The following IGF1 variants were observed in gnomAD, a reference collection of about 807,000 sequenced individuals.
The protein encoded by IGF1 is insulin-like growth factor 1.
A neutral mutation model predicts 13.8 loss-of-function variants in IGF1; 4 were observed. The ratio of observed to expected loss-of-function variants is 0.29; its 90% CI spans 0.14 to 0.66. The LOEUF (loss-of-function observed/expected upper bound fraction) is 0.66, where lower values mean the gene tolerates loss of function less well. IGF1 is among the 30% of genes least tolerant of loss of function. IGF1 has a pLI of 0.78. For missense variants in IGF1, 124 were observed against 188.5 expected (o/e 0.66, Z 2.00); for synonymous variants, 76 against 72.6 (o/e 1.05, Z -0.23).
At chr12:102,469,009 T>C (rs1246731439) in intron 2 of IGF1, among the ~76,000 whole-genome samples, 3 of 152,212 alleles carry the variant, frequency 2.0e-5, no homozygotes, top group Non-Finnish European at 4.4e-5. Context: ...TGGAGGCCCA[T>C]TGAATTAGCA....
intron 2 of IGF1, among the ~76,000 whole-genome samples, chr12:102,465,985 A>G (rs1320154816): frequency 2.1e-5 from 3 of 139,548 alleles, no homozygotes; most frequent in Non-Finnish European, 4.7e-5. Context: ...ATAAATAAAT[A>G]AAGATAACCA....
chr12:102,471,774 A>T (rs1252998968), intron 2 of IGF1, among the ~76,000 whole-genome samples: 8 of 152,128 alleles, frequency 5.3e-5, no homozygotes, highest in Non-Finnish European at 1.0e-4. Context: ...ACTTAAAAAG[A>T]CCCCAGAAAC....
intron 2 of IGF1, among the ~76,000 whole-genome samples, chr12:102,443,152 A>G (rs982216833): frequency 6.6e-6 from 1 of 152,122 alleles, no homozygotes; most frequent in Admixed American, 6.5e-5. Context: ...ATTTCCCAAT[A>G]GCTATTTTCC....
In IGF1 at chr12:102,398,076, C is replaced by T. The variant is rs1873364386; in HGVS notation, c.*4431G>A. The T allele has an allele frequency of 7.2e-6, 1 of 138,988 alleles. No individual in the cohort carries two copies. Among genetic ancestry groups the T allele is most frequent in the Non-Finnish European group, 1.5e-5 (1 of 64,618 alleles). The allele number at this position is 138,988 out of a possible 1,614,324, so 8.6% of individuals were successfully genotyped here. On this transcript the variant is annotated 3_prime_UTR_variant, in exon 4 of 4. Transcript: ENST00000337514. ...TTGAACATTAAGAAATTCATAAAGA[C>T]TGTATAAAGTAAAAAAAAAAAAAAA...
intron 2 of IGF1, among the ~76,000 whole-genome samples, chr12:102,445,185 T>C (rs542560274): frequency 6.6e-6 from 1 of 151,112 alleles, no homozygotes; most frequent in Admixed American, 6.6e-5. Context: ...CCTCCAGCTT[T>C]GTTCCTTTTG....
intron 2 of IGF1, among the ~76,000 whole-genome samples, chr12:102,448,966 C>T (rs1393229723): frequency 1.3e-5 from 2 of 152,146 alleles, no homozygotes; most frequent in Admixed American, 6.5e-5. Context: ...TAAATTAGTT[C>T]AACCATTGTG....
intron 2 of IGF1, among the ~76,000 whole-genome samples, chr12:102,467,205 T>C (rs569432974): frequency 4.9e-4 from 74 of 152,306 alleles, no homozygotes; most frequent in Middle Eastern, 3.4e-3. Flanking sequence ...ATTGCTTCTA[T>C]GTCTGACAAA....
rs1228890646 is a variant in IGF1 at position 102,399,613 on chromosome 12, A to T, written c.*2894T>A. ...TGAATTGGTATAATGAGTTATTTTC[A>T]ATTTATTTATAATCCAGTTGGAGAG... On this transcript the variant is annotated 3_prime_UTR_variant, in exon 4 of 4. Coordinates refer to ENST00000337514, the MANE Select transcript of IGF1 (RefSeq NM_000618.5). 1.3e-5 allele frequency: 2 copies of T among 152,156 alleles called. No individual in the cohort carries two copies. The allele number at this position is 152,156 out of a possible 1,614,324, so 9.4% of individuals were successfully genotyped here.
chr12:102,449,625 T>A (rs908321402), intron 2 of IGF1, among the ~76,000 whole-genome samples: 1 of 146,344 alleles, frequency 6.8e-6, no homozygotes, highest in Non-Finnish European at 1.5e-5. Flanking sequence ...TTGTTCCCCA[T>A]CCCGCCCCCC....
At chr12:102,425,783 G>A (rs368428050) in intron 2 of IGF1, among the ~76,000 whole-genome samples, 1 of 152,222 alleles carries the variant, frequency 6.6e-6, no homozygotes, top group African/African-American at 2.4e-5. Flanking sequence ...GCAACATGAT[G>A]TATTACTTTA....
upstream of IGF1, chr12:102,480,718 C>CCTG: frequency 1.6e-6 from 1 of 624,928 alleles, no homozygotes. Context: ...AACATCATAC[C>CCTG]TTTGCATTTT....
chr12:102,419,530 G>A lies in IGF1; in HGVS notation c.381C>T (p.Thr127=), dbSNP rs1167101456. 5.6e-6 allele frequency: 9 copies of A among 1,613,366 alleles called. No individual in the cohort carries two copies. The highest frequency in any genetic ancestry group is 5.5e-5 in the South Asian group (5 of 91,044). Residue 127 remains threonine, a synonymous_variant, in exon 3 of 4, where the codon ACC becomes ACT. Coordinates refer to ENST00000337514, the MANE Select transcript of IGF1 (RefSeq NM_000618.5). ...TTACCTTCTGGGTCTTGGGCATGTC[G>A]GTGTGGCGCTGGGCACGGACAGAGC... ...SARSVRAQRH[T]DMPKTQKEVH...
chr12:102,458,085 G>C (rs550596400), intron 2 of IGF1, among the ~76,000 whole-genome samples: 5 of 152,296 alleles, frequency 3.3e-5, no homozygotes, highest in Admixed American at 6.5e-5. Context: ...TCTGGTGCCT[G>C]AGATTTGATT....
Position 102,402,548 on chromosome 12 carries a change from C to T in IGF1, c.421G>A (p.Ala141Thr), listed in dbSNP as rs367603396. The change falls in exon 4 of 4, where the codon GCA (alanine) becomes ACA (threonine). Residue 141 changes from alanine (A) to threonine (T), a missense_variant. By Grantham distance (58) the Ala-to-Thr change is moderately conservative. This residue lies in a region of IGF1 where 25 missense variants were observed against 17.1 expected (regional missense o/e 1.47). Coordinates refer to ENST00000337514, the MANE Select transcript of IGF1 (RefSeq NM_000618.5). The stretch of plus-strand genomic sequence containing the variant: ...TTGTTTCCTGCACTCCCTCTACTTG[C>T]GTTCTTCAAATGTACTTCCTATAAA... The part of the protein sequence containing the change: ...KTQKEVHLKN[A>T]SRGSAGNKNY... The T allele has an allele frequency of 2.2e-5, 17 of 780,658 alleles. No individual in the cohort carries two copies. The highest frequency in any genetic ancestry group is 1.0e-4 in the African/African-American group (6 of 59,100). The allele number at this position is 780,658 out of a possible 1,614,324, so 48.4% of individuals were successfully genotyped here. A position where few individuals can be genotyped will look rare whatever the true frequency, so the allele number is the denominator to read the frequency against.
At chr12:102,406,562 C>T (rs1874170977) in intron 3 of IGF1, among the ~76,000 whole-genome samples, 1 of 152,126 alleles carries the variant, frequency 6.6e-6, no homozygotes, top group Non-Finnish European at 1.5e-5. Context: ...GATCCTCCAG[C>T]TCACTGGGGT....
At position 102,402,404 on chromosome 12, in the gene IGF1, C is replaced by A; in HGVS notation, c.*103G>T. ...GAAACGCCCATCTTTTAAATGTTAT[C>A]AAACTTATTTTTTGGTAGGTGTTCC... is the stretch of plus-strand genomic sequence containing the variant. On this transcript the variant is annotated 3_prime_UTR_variant, in exon 4 of 4. Coordinates refer to ENST00000337514, the MANE Select transcript of IGF1 (RefSeq NM_000618.5). 2.6e-6 allele frequency: 2 copies of A among 777,398 alleles called. No individual in the cohort carries two copies. Among genetic ancestry groups the A allele is most frequent in the East Asian group, 2.4e-5 (1 of 41,124 alleles). 48.2% of individuals were successfully genotyped at this position (777,398 alleles called of 1,614,324 possible).
At chr12:102,408,982 TTGGA>T in intron 3 of IGF1, among the ~76,000 whole-genome samples, 1 of 152,348 alleles carries the variant, frequency 6.6e-6, no homozygotes, top group Admixed American at 6.5e-5. Flanking sequence ...CTTCTGTTTC[TTGGA>T]GGACCTCATC....
At chr12:102,479,555 A>G (rs886774842) in intron 1 of IGF1, among the ~76,000 whole-genome samples, 1 of 152,238 alleles carries the variant, frequency 6.6e-6, no homozygotes, top group South Asian at 2.1e-4. Flanking sequence ...ATAAAATCAG[A>G]GTTTTATAAC....
At chr12:102,473,665 CTATA>C (rs1221547828) in intron 2 of IGF1, among the ~76,000 whole-genome samples, 1 of 152,134 alleles carries the variant, frequency 6.6e-6, no homozygotes, top group Admixed American at 6.5e-5. Flanking sequence ...TCAAGATTTG[CTATA>C]TATAACATTT....
Sources: gnomAD v4.1 joint callset for allele counts (sites outside exome capture counted in the v4.1 genomes callset) on GRCh38, gnomAD v4.1.1 for gene constraint, gnomAD v4.1.1 regional missense constraint, MANE v1.5 for transcripts, NCBI Gene and HGNC (gene_info 2026-07-23, HGNC 2026-07-21) for gene names.